The following MTX2 variants were observed in gnomAD, a reference collection of about 807,000 sequenced individuals.
The protein encoded by MTX2 is metaxin-2.
A neutral mutation model predicts 42.3 loss-of-function variants in MTX2; 35 were observed. That is an observed-to-expected ratio of 0.83 (90% CI 0.63 to 1.10). MTX2 has a LOEUF of 1.10. Ranked by LOEUF, MTX2 falls within the 50% of genes least tolerant of loss-of-function variation. MTX2 has a pLI of 0.00. For missense variants in MTX2, 307 were observed against 304.1 expected, an observed-to-expected ratio of 1.01 and a Z score of -0.07; for synonymous variants, 119 against 100.9, an observed-to-expected ratio of 1.18 and a Z score of -1.08.
At chr2:176,310,421 A>G (rs999732647) in intron 3 of MTX2, among the ~76,000 whole-genome samples, 3 of 152,028 alleles carry the variant, frequency 2.0e-5, no homozygotes, top group Admixed American at 6.6e-5. Flanking sequence ...TGTTCTCTGT[A>G]TTTCCTGAAT....
rs1345066016 is a variant in MTX2, at chr2:176,330,635, A to G, written c.595A>G (p.Thr199Ala). 1.3e-6 allele frequency: 2 copies of G among 1,593,872 alleles called. No homozygotes were observed. The highest frequency in any genetic ancestry group is 1.7e-6 in the Non-Finnish European group (2 of 1,166,732). ...CCQALSQRLG[T>A]QPYFFNKQPT... ...TCAAGCTCTCTCTCAAAGACTGGGA[A>G]CACAACCGTATTTCTTCAATAAGCA... Residue 199 changes from threonine (T) to alanine (A), a missense_variant, in exon 9 of 10, where the codon ACA (threonine) becomes GCA (alanine). Coordinates refer to ENST00000249442, the MANE Select transcript of MTX2 (RefSeq NM_006554.5).
chr2:176,297,868 T>A lies in MTX2; in HGVS notation c.108T>A (p.Ser36=). The A allele has an allele frequency of 1.3e-6, 2 of 1,562,940 alleles. No homozygotes were observed. Among genetic ancestry groups the A allele is most frequent in the Non-Finnish European group, 1.7e-6 (2 of 1,151,362 alleles). Residue 36 remains serine (S), a synonymous_variant, in exon 3 of 10, where the codon TCT becomes TCA. Transcript: ENST00000249442. ...CCACAGGGGAGCAAATTTTACTTTC[T>A]GACAATGCAGCTTCTCTTGCAGTGC... ...QQLKGEQILL[S]DNAASLAVQA...
At chr2:176,313,339 T>G (rs1437725823) in intron 3 of MTX2, among the ~76,000 whole-genome samples, 1 of 151,184 alleles carries the variant, frequency 6.6e-6, no homozygotes, top group Non-Finnish European at 1.5e-5. Context: ...CCCAGAGAGC[T>G]CTCTCTCTGA....
chr2:176,311,763 A>G (rs138769802), intron 3 of MTX2, among the ~76,000 whole-genome samples: 15 of 152,324 alleles, frequency 9.8e-5, no homozygotes, highest in African/African-American at 3.4e-4. Context: ...TGGGAAGAGC[A>G]CAGTATTTGG....
At chr2:176,332,638 A>G (rs543621698) in intron 9 of MTX2, among the ~76,000 whole-genome samples, 73 of 151,606 alleles carry the variant, frequency 4.8e-4, no homozygotes, top group African/African-American at 1.6e-3. Context: ...GGGAGATCTC[A>G]CAGAAAGAAT....
chr2:176,297,015 G>A (rs918882182), intron 2 of MTX2, 108 bp downstream of exon 2: 1 of 1,196,728 alleles, frequency 8.4e-7, no homozygotes, highest in African/African-American at 1.5e-5. Flanking sequence ...TGTAAAGAAG[G>A]GATTCCCTTG....
At chr2:176,270,074 A>G in intron 1 of MTX2, 1 of 321,776 alleles carries the variant, frequency 3.1e-6, no homozygotes, top group Non-Finnish European at 5.8e-6. Flanking sequence ...GGTGACTGTC[A>G]CTAATCAGTT....
intron 8 of MTX2, among the ~76,000 whole-genome samples, chr2:176,329,842 G>A (rs560782834): frequency 6.7e-6 from 1 of 148,856 alleles, no homozygotes; most frequent in South Asian, 2.1e-4. Context: ...TGCAGCATCA[G>A]GGCTTAAAAA....
chr2:176,313,653 A>G (rs1250221070), intron 3 of MTX2, among the ~76,000 whole-genome samples: 2 of 152,064 alleles, frequency 1.3e-5, no homozygotes, highest in African/African-American at 4.8e-5. Flanking sequence ...TTGACCTCCC[A>G]AGGTGCTGGG....
chr2:176,308,352 T>C (rs1396945218), intron 3 of MTX2, among the ~76,000 whole-genome samples: 2 of 152,192 alleles, frequency 1.3e-5, no homozygotes, highest in Non-Finnish European at 1.5e-5. Flanking sequence ...GTAATGTTGG[T>C]CTAAAATTCT....
intron 2 of MTX2, 30 bp from the exon 3 acceptor site, chr2:176,297,819 T>C: frequency 6.8e-7 from 1 of 1,480,708 alleles, no homozygotes; most frequent in Non-Finnish European, 9.1e-7. Context: ...TCTACTTGGT[T>C]AACATTTATG....
intron 3 of MTX2, among the ~76,000 whole-genome samples, chr2:176,308,302 G>C (rs927294548): frequency 1.3e-5 from 2 of 152,102 alleles, no homozygotes; most frequent in African/African-American, 4.8e-5. Flanking sequence ...GATTCGGTTT[G>C]CTAATATTTT....
At chr2:176,334,704 TA>T (rs1318332539) in intron 9 of MTX2, among the ~76,000 whole-genome samples, 1 of 151,998 alleles carries the variant, frequency 6.6e-6, no homozygotes, top group African/African-American at 2.4e-5. Context: ...GAAAATTAAA[TA>T]TTCCACACAT....
intron 3 of MTX2, among the ~76,000 whole-genome samples, chr2:176,307,290 A>G (rs1448156846): frequency 2.0e-5 from 3 of 152,216 alleles, no homozygotes; most frequent in Non-Finnish European, 2.9e-5. Context: ...TACCAGTACC[A>G]TGCTGTTTTT....
chr2:176,270,284 C>G (rs1236227558), intron 1 of MTX2: 1 of 1,212,856 alleles, frequency 8.2e-7, no homozygotes, highest in Admixed American at 2.6e-5. Flanking sequence ...GATTCTCCTG[C>G]CTTAGCCTCC....
chr2:176,295,329 C>G (rs1375311017), intron 1 of MTX2, among the ~76,000 whole-genome samples: 1 of 152,052 alleles, frequency 6.6e-6, no homozygotes, highest in East Asian at 1.9e-4. Flanking sequence ...GTGTGCTGAC[C>G]ATACAATTTA....
rs116132988 is a variant in MTX2, at chr2:176,313,792, C to T, written c.136-9600C>T. Among the ~76,000 whole-genome samples, 1,013 of 152,170 alleles carry T rather than the reference C, an allele frequency of 6.7e-3. 12 individuals are homozygous for T. The highest frequency in any genetic ancestry group is 0.023 in the African/African-American group (938 of 41,528). ...ATCTTTTTTTCACTTAGGTAACTTG[C>T]TTTCAAAATCTGTATTCTGTTAGGA... On this transcript the variant is annotated intron_variant, in intron 3 of 9. Transcript: ENST00000249442.
At chr2:176,293,783 G>C (rs1693379217) in intron 1 of MTX2, among the ~76,000 whole-genome samples, 1 of 152,132 alleles carries the variant, frequency 6.6e-6, no homozygotes, top group Non-Finnish European at 1.5e-5. Flanking sequence ...CTTTACAACA[G>C]TGCCAACAGC....
chr2:176,299,709 T>C (rs1304559219), intron 3 of MTX2, among the ~76,000 whole-genome samples: 1 of 152,116 alleles, frequency 6.6e-6, no homozygotes, highest in Non-Finnish European at 1.5e-5. Flanking sequence ...GTAATTTTCT[T>C]CTATATAGTG....
Sources: gnomAD v4.1 joint callset for allele counts (sites outside exome capture counted in the v4.1 genomes callset) on GRCh38, gnomAD v4.1.1 for gene constraint, MANE v1.5 for transcripts, NCBI Gene and HGNC (gene_info 2026-07-23, HGNC 2026-07-21) for gene names.